NEMP2: variants seen among roughly 807,000 people sequenced by gnomAD.
The protein encoded by NEMP2 is nuclear envelope integral membrane protein 2, also known as UPF0571 transmembrane protein.
A neutral mutation model predicts 54.2 loss-of-function variants in NEMP2; 53 were observed. The observed-to-expected ratio is 0.98, with a 90% CI of 0.78 to 1.23. The LOEUF (loss-of-function observed/expected upper bound fraction) is 1.23, where lower values mean the gene tolerates loss of function less well. NEMP2 is among the 50% of genes most tolerant of loss of function. NEMP2 has a pLI of 0.00. For missense variants in NEMP2, 455 were observed against 511.3 expected, an observed-to-expected ratio of 0.89 and a Z score of 1.06; for synonymous variants, 197 against 190.3, an observed-to-expected ratio of 1.04 and a Z score of -0.29.
the NEMP2 span, among the ~76,000 whole-genome samples, chr2:190,437,762 A>G: frequency 6.6e-6 from 1 of 152,192 alleles, no homozygotes; most frequent in African/African-American, 2.4e-5. The surrounding 1 kb of genome is among the most constrained non-coding windows in gnomAD (Gnocchi z 5.9). Flanking sequence ...GATTATCTCA[A>G]ATAAACAAAG....
chr2:190,464,200 C>T, the NEMP2 span, among the ~76,000 whole-genome samples: 12 of 152,186 alleles, frequency 7.9e-5, no homozygotes, highest in East Asian at 1.9e-4. Context: ...GTCAGTCTAA[C>T]GGCAAATACT....
the NEMP2 span, among the ~76,000 whole-genome samples, chr2:190,623,574 C>G: frequency 6.6e-6 from 1 of 152,156 alleles, no homozygotes; most frequent in African/African-American, 2.4e-5. Context: ...GACAAGATGG[C>G]CTCTTCAATA....
chr2:190,469,911 A>C, the NEMP2 span: 1 of 1,290,366 alleles, frequency 7.7e-7, no homozygotes, highest in South Asian at 1.2e-5. This position sits in a 1 kb window ranked among gnomAD's most constrained non-coding sequence, Gnocchi z 5.3. Flanking sequence ...GCTGTGGCTA[A>C]AAGCCCAGTG....
chr2:190,452,176 A>G, the NEMP2 span, among the ~76,000 whole-genome samples: 1 of 152,046 alleles, frequency 6.6e-6, no homozygotes, highest in Non-Finnish European at 1.5e-5. Context: ...AATCGCTTGA[A>G]CCTGGGAAGT....
At chr2:190,516,667 G>A (rs1406071170) in intron 5 of NEMP2, among the ~76,000 whole-genome samples, 1 of 152,136 alleles carries the variant, frequency 6.6e-6, no homozygotes, top group Non-Finnish European at 1.5e-5. Context: ...CACTGAAGTT[G>A]GAGTTATAAG....
Position 190,530,385 on chromosome 2 carries a change from A to G in NEMP2, c.97+4174T>C, listed in dbSNP as rs968592341. On this transcript the variant is annotated intron_variant, in intron 1 of 8. Coordinates refer to ENST00000409150, the MANE Select transcript of NEMP2 (RefSeq NM_001142645.2). The surrounding 1 kb of genome is among the most constrained non-coding windows in gnomAD (Gnocchi z 4.6). The stretch of plus-strand genomic sequence containing the variant: ...TCTTATCACCTCTCTCCCGAGGTGA[A>G]TGAGTCTCAAACAACCCACACAGGA... Among the ~76,000 whole-genome samples the G allele has an allele frequency of 5.3e-5, 8 of 152,184 alleles. No homozygotes were observed. The highest frequency in any genetic ancestry group is 1.4e-4 in the African/African-American group (6 of 41,448).
the NEMP2 span, among the ~76,000 whole-genome samples, chr2:190,566,770 GAAA>G: frequency 9.2e-5 from 14 of 151,578 alleles, no homozygotes; most frequent in African/African-American, 3.1e-4. Flanking sequence ...AGGAAGGAAA[GAAA>G]GATTCAGAAG....
intron 4 of NEMP2, among the ~76,000 whole-genome samples, chr2:190,518,109 A>G (rs1028258503): frequency 4.6e-5 from 7 of 152,090 alleles, no homozygotes; most frequent in Non-Finnish European, 1.0e-4. Context: ...AAAATGAACA[A>G]TGTTAAGAAT....
At chr2:190,453,924 T>C in the NEMP2 span, among the ~76,000 whole-genome samples, 4 of 152,326 alleles carry the variant, frequency 2.6e-5, no homozygotes, top group East Asian at 7.7e-4. Flanking sequence ...CATTGTTCTA[T>C]ATTGCCTTAC....
At chr2:190,580,285 A>G in the NEMP2 span, among the ~76,000 whole-genome samples, 5 of 152,230 alleles carry the variant, frequency 3.3e-5, no homozygotes, top group South Asian at 1.0e-3. This position sits in a 1 kb window ranked among gnomAD's most constrained non-coding sequence, Gnocchi z 5.3. Flanking sequence ...AAGAGTATAA[A>G]AGGAGAGAAG....
the NEMP2 span, among the ~76,000 whole-genome samples, chr2:190,422,964 A>G: frequency 1.3e-5 from 2 of 152,202 alleles, no homozygotes; most frequent in East Asian, 1.9e-4. Flanking sequence ...TCAACACTTC[A>G]TGAAATAAAG....
the NEMP2 span, among the ~76,000 whole-genome samples, chr2:190,542,808 C>G: frequency 6.6e-6 from 1 of 152,170 alleles, no homozygotes; most frequent in East Asian, 1.9e-4. The surrounding 1 kb of genome is among the most constrained non-coding windows in gnomAD (Gnocchi z 4.6). Flanking sequence ...TTAGAGATCA[C>G]TAAGTTTCCC....
the NEMP2 span, among the ~76,000 whole-genome samples, chr2:190,494,307 A>G: frequency 1.3e-5 from 2 of 152,162 alleles, no homozygotes; most frequent in Non-Finnish European, 2.9e-5. The surrounding 1 kb of genome is among the most constrained non-coding windows in gnomAD (Gnocchi z 5.7). Flanking sequence ...ATCAGGAAGA[A>G]TTAGAAACCC....
the NEMP2 span, among the ~76,000 whole-genome samples, chr2:190,615,228 AC>A: frequency 1.3e-5 from 2 of 152,164 alleles, no homozygotes; most frequent in African/African-American, 2.4e-5. This position sits in a 1 kb window ranked among gnomAD's most constrained non-coding sequence, Gnocchi z 4.7. Context: ...CCGGGTTGGC[AC>A]CTGTGCTCCT....
rs1690889428 is a variant in NEMP2 at position 190,525,213 on chromosome 2, G to A, written c.213+50C>T. The A allele has an allele frequency of 9.8e-7, 1 of 1,015,904 alleles. No homozygotes were observed. 62.9% of individuals were successfully genotyped at this position (1,015,904 alleles called of 1,614,324 possible). Reference sequence around the variant, plus strand: ...GAAGTGGTACATTTCCTGTCCCCAGGACATGGTAATTCTCTGTCCCTAAGA... The same window carrying A: ...GAAGTGGTACATTTCCTGTCCCCAGAACATGGTAATTCTCTGTCCCTAAGA... On this transcript the variant is annotated intron_variant, in intron 2 of 8. Coordinates refer to ENST00000409150, the MANE Select transcript of NEMP2 (RefSeq NM_001142645.2). The surrounding 1 kb of genome is among the most constrained non-coding windows in gnomAD (Gnocchi z 5.0).
chr2:190,473,474 A>G, the NEMP2 span, among the ~76,000 whole-genome samples: 1 of 152,234 alleles, frequency 6.6e-6, no homozygotes, highest in South Asian at 2.1e-4. Flanking sequence ...AGAGACAAAG[A>G]AGGCCATTAC....
chr2:190,635,992 A>T, the NEMP2 span, among the ~76,000 whole-genome samples: 28,883 of 152,114 alleles, frequency 0.19, 3,244 homozygotes, highest in Middle Eastern at 0.27. The surrounding 1 kb of genome is among the most constrained non-coding windows in gnomAD (Gnocchi z 4.1). Context: ...CAGCCTCCCC[A>T]CTAGGTGGAA....
the NEMP2 span, among the ~76,000 whole-genome samples, chr2:190,439,536 A>T: frequency 6.6e-6 from 1 of 152,208 alleles, no homozygotes; most frequent in African/African-American, 2.4e-5. This position sits in a 1 kb window ranked among gnomAD's most constrained non-coding sequence, Gnocchi z 5.8. Flanking sequence ...AGACATATGC[A>T]GCATTTTCAT....
chr2:190,568,081 T>C, the NEMP2 span: 1 of 152,190 alleles, frequency 6.6e-6, no homozygotes, highest in African/African-American at 2.4e-5. This position sits in a 1 kb window ranked among gnomAD's most constrained non-coding sequence, Gnocchi z 4.7. Context: ...AGGAAGCTAC[T>C]GCAGGATATA....
Sources: allele counts gnomAD v4.1 joint callset (sites outside exome capture counted in the v4.1 genomes callset), GRCh38; gene constraint gnomAD v4.1.1; non-coding constraint Gnocchi (gnomAD v3.1); transcripts MANE v1.5; gene names NCBI Gene and HGNC (gene_info 2026-07-23, HGNC 2026-07-21).